The following BLTP1 variants were observed in gnomAD, a reference collection of about 807,000 sequenced individuals.
BLTP1 encodes bridge-like lipid transfer protein family member 1.
At chr4:122,349,679 G>C in the BLTP1 span, 1 of 1,573,486 alleles carries the variant, frequency 6.4e-7, no homozygotes, top group Non-Finnish European at 8.7e-7. This position sits in a 1 kb window ranked among gnomAD's most constrained non-coding sequence, Gnocchi z 4.5. Context: ...CACTTTACAT[G>C]ACTGTTCTCA....
chr4:122,307,778 A>T, the BLTP1 span: 1 of 985,132 alleles, frequency 1.0e-6, no homozygotes, highest in Non-Finnish European at 1.2e-6. Context: ...TTTGTTATTT[A>T]AAAAATGGTG....
At chr4:122,305,059 G>T in the BLTP1 span, 1 of 1,347,836 alleles carries the variant, frequency 7.4e-7, no homozygotes. Flanking sequence ...TGTAACTTAT[G>T]TATTATTATA....
chr4:122,276,726 A>G, the BLTP1 span: 1 of 925,166 alleles, frequency 1.1e-6, no homozygotes, highest in Non-Finnish European at 1.3e-6. Flanking sequence ...CCAATTCCGT[A>G]AACTACTGCC....
the BLTP1 span, chr4:122,234,798 A>G: frequency 6.2e-7 from 1 of 1,611,250 alleles, no homozygotes; most frequent in Non-Finnish European, 8.5e-7. Flanking sequence ...GCCAGATGAT[A>G]TCCTGAAGAA....
chr4:122,188,296 G>GCATGATTA, the BLTP1 span: 1 of 576,234 alleles, frequency 1.7e-6, no homozygotes, highest in Admixed American at 6.4e-5. Context: ...ATATTTTTCT[G>GCATGATTA]CATGATTATA....
chr4:122,347,266 G>A, the BLTP1 span: 5 of 979,626 alleles, frequency 5.1e-6, no homozygotes, highest in African/African-American at 8.8e-5. Context: ...AGGTAAATTT[G>A]AGAAACCCTA....
chr4:122,233,140 C>T, the BLTP1 span, among the ~76,000 whole-genome samples: 1 of 152,144 alleles, frequency 6.6e-6, no homozygotes, highest in South Asian at 2.1e-4. Context: ...GGAGGTGAAG[C>T]CCAGCCACCT....
At chr4:122,247,464 T>A in the BLTP1 span, 1 of 1,317,592 alleles carries the variant, frequency 7.6e-7, no homozygotes, top group Non-Finnish European at 1.1e-6. Context: ...AATTCGGTAT[T>A]CTATAAGAAA....
the BLTP1 span, chr4:122,187,342 CTG>C: frequency 6.5e-7 from 1 of 1,537,404 alleles, no homozygotes; most frequent in Non-Finnish European, 8.7e-7. Context: ...TAAACTGAAA[CTG>C]TGAGGTATGG....
At chr4:122,240,028 A>C in the BLTP1 span, 1 of 1,614,188 alleles carries the variant, frequency 6.2e-7, no homozygotes, top group African/African-American at 1.3e-5. Context: ...GAAAGCATTC[A>C]GGATTCCAGA....
At chr4:122,214,160 ATT>A in the BLTP1 span, 2 of 843,584 alleles carry the variant, frequency 2.4e-6, no homozygotes, top group Non-Finnish European at 2.8e-6. Flanking sequence ...GCCTATTGTT[ATT>A]TTTTTTTTCT....
chr4:122,201,447 G>A, the BLTP1 span, among the ~76,000 whole-genome samples: 10 of 152,156 alleles, frequency 6.6e-5, no homozygotes, highest in Admixed American at 1.3e-4. Flanking sequence ...CCCAAATTAG[G>A]CATCAGCATG....
At chr4:122,259,888 A>G in the BLTP1 span, 1 of 934,262 alleles carries the variant, frequency 1.1e-6, no homozygotes, top group Non-Finnish European at 1.3e-6. Flanking sequence ...TTTCTTTGAA[A>G]GTCTGTGTAT....
At chr4:122,252,800 G>C in the BLTP1 span, among the ~76,000 whole-genome samples, 3 of 152,240 alleles carry the variant, frequency 2.0e-5, no homozygotes, top group African/African-American at 7.2e-5. Flanking sequence ...AGGTCTGTGA[G>C]CAAACGTAGG....
the BLTP1 span, among the ~76,000 whole-genome samples, chr4:122,338,043 T>C: frequency 2.1e-4 from 32 of 152,178 alleles, no homozygotes; most frequent in Non-Finnish European, 3.8e-4. Context: ...CTGTTCCAAC[T>C]ATCTTCTATA....
the BLTP1 span, chr4:122,201,977 T>C: frequency 0.015 from 8,449 of 559,604 alleles, 191 homozygotes; most frequent in African/African-American, 0.082. Context: ...GTTGTGTAAA[T>C]GATTTCACTG....
chr4:122,323,437 C>G, the BLTP1 span, among the ~76,000 whole-genome samples: 51 of 148,874 alleles, frequency 3.4e-4, no homozygotes, highest in African/African-American at 1.3e-3. Flanking sequence ...AACAGAGAAC[C>G]CTCTTTTTTT....
the BLTP1 span, chr4:122,316,717 C>T: frequency 6.3e-7 from 1 of 1,599,770 alleles, no homozygotes; most frequent in Non-Finnish European, 8.5e-7. Flanking sequence ...GACAGATACA[C>T]TTTTGACTTT....
the BLTP1 span, among the ~76,000 whole-genome samples, chr4:122,309,750 T>A: frequency 6.6e-6 from 1 of 152,022 alleles, no homozygotes; most frequent in African/African-American, 2.4e-5. Flanking sequence ...AGATAAAGCA[T>A]TTTTGACCTG....
Sources: allele counts gnomAD v4.1 joint callset (sites outside exome capture counted in the v4.1 genomes callset), GRCh38; gene constraint gnomAD v4.1.1; non-coding constraint Gnocchi (gnomAD v3.1); transcripts MANE v1.5; gene names NCBI Gene and HGNC (gene_info 2026-07-23, HGNC 2026-07-21).